Variants in PCDHGA12 observed in about 807,000 individuals in gnomAD.
PCDHGA12 encodes the protein protocadherin gamma subfamily A, 12, also known as protocadherin gamma-A12.
PCDHGA12 carries 43 observed loss-of-function variants against 61.1 expected under a neutral mutation model. The ratio of observed to expected loss-of-function variants is 0.70; its 90% CI spans 0.55 to 0.91. The LOEUF (loss-of-function observed/expected upper bound fraction) is 0.91. Ranked by LOEUF, PCDHGA12 falls within the 40% of genes least tolerant of loss-of-function variation. The probability of loss-of-function intolerance (pLI) is 0.00; values close to 1 mark genes in which losing one functional copy is unlikely to be tolerated. For synonymous variants in PCDHGA12, 520 were observed against 542.9 expected, an observed-to-expected ratio of 0.96 and a Z score of 0.59; for missense variants, 1,236 against 1,227.7, an observed-to-expected ratio of 1.01 and a Z score of -0.10.
chr5:141,439,796 G>A (rs980000701), intron 1 of PCDHGA12: 1 of 152,318 alleles, frequency 6.6e-6, no homozygotes. Flanking sequence ...AATCCAAGAA[G>A]AGTTTGAAAA....
Position 141,491,793 on chromosome 5 carries a change from C to T in PCDHGA12, c.2425-3014C>T, listed in dbSNP as rs2099730341. 4.0e-6 allele frequency: 6 copies of T among 1,511,410 alleles called. No individual in the cohort carries two copies. Among genetic ancestry groups the T allele is most frequent in the East Asian group, 2.5e-5 (1 of 40,660 alleles). The allele number at this position is 1,511,410 out of a possible 1,614,324, so 93.6% of individuals were successfully genotyped here. A position where few individuals can be genotyped will look rare whatever the true frequency, so the allele number is the denominator to read the frequency against. On this transcript the variant is annotated intron_variant, in intron 1 of 3. Transcript: ENST00000252085. This position sits in a 1 kb window ranked among gnomAD's most constrained non-coding sequence, Gnocchi z 6.9. ...AGGGATTGAACTTGCATCCACTCCT[C>T]TCCGGCCGGCTTGGTCGCTGGCTGC...
At chr5:141,444,804 A>G (rs140326088) in intron 1 of PCDHGA12, among the ~76,000 whole-genome samples, 1 of 152,250 alleles carries the variant, frequency 6.6e-6, no homozygotes, top group Non-Finnish European at 1.5e-5. Flanking sequence ...TCTTTTACTA[A>G]TAGCACACTG....
chr5:141,477,551 C>A lies in PCDHGA12; in HGVS notation c.2425-17256C>A. The A allele has an allele frequency of 6.2e-7, 1 of 1,614,178 alleles. No homozygotes were observed. The highest frequency in any genetic ancestry group is 1.3e-5 in the African/African-American group (1 of 75,032). ...CCTCCCCGGGGCTCCAATACTAAAC[C>A]TAAGTGTCTGGGACCCCGACGCCCC... is the stretch of plus-strand genomic sequence containing the variant. On this transcript the variant is annotated intron_variant, in intron 1 of 3. Transcript: ENST00000252085. The surrounding 1 kb of genome is among the most constrained non-coding windows in gnomAD (Gnocchi z 4.9).
intron 1 of PCDHGA12, among the ~76,000 whole-genome samples, chr5:141,451,826 A>G (rs2098725686): frequency 6.6e-6 from 1 of 151,720 alleles, no homozygotes; most frequent in Non-Finnish European, 1.5e-5. Context: ...GGTTACAGTG[A>G]GCCGAGATCA....
At chr5:141,506,930 T>C (rs2099857287) in intron 3 of PCDHGA12, among the ~76,000 whole-genome samples, 1 of 152,150 alleles carries the variant, frequency 6.6e-6, no homozygotes, top group African/African-American at 2.4e-5. Context: ...AAACAAACTT[T>C]AGGGGCCTCC....
intron 1 of PCDHGA12, chr5:141,468,346 AAAAG>A (rs2099164910): frequency 6.8e-6 from 1 of 147,210 alleles, no homozygotes; most frequent in South Asian, 2.2e-4. Flanking sequence ...AAAAAAAAAA[AAAAG>A]AAAGAAAAAA....
At position 141,433,356 on chromosome 5, in the gene PCDHGA12, T is replaced by A. The variant is rs549297958; in HGVS notation, c.2424+173T>A. On this transcript the variant is annotated intron_variant, in intron 1 of 3. Transcript: ENST00000252085. ...CTACAGGTGCAAGCCACCTACTGTC[T>A]GCCTATCTATCTATCTATCTATCTA... The A allele has an allele frequency of 8.4e-5, 51 of 607,892 alleles. No homozygotes were observed. The African/African-American group carries it at 9.5e-4, about 11-fold the overall frequency. 37.7% of individuals were successfully genotyped at this position (607,892 alleles called of 1,614,324 possible).
Position 141,491,834 on chromosome 5 carries a change from CG to C in PCDHGA12, c.2425-2970del. On this transcript the variant is annotated intron_variant, in intron 1 of 3. Transcript: ENST00000252085. This position sits in a 1 kb window ranked among gnomAD's most constrained non-coding sequence, Gnocchi z 6.9. ...CGCTGGCTGCGCTCCACCCGATTCT[CG>C]GGATCATTGGACCGTTTGCGCGAAA... 1 of 1,473,830 alleles carries C rather than the reference CG, an allele frequency of 6.8e-7. No homozygotes were observed. Among genetic ancestry groups the C allele is most frequent in the Middle Eastern group, 1.8e-4 (1 of 5,590 alleles). The allele number at this position is 1,473,830 out of a possible 1,614,324, so 91.3% of individuals were successfully genotyped here.
chr5:141,446,482 CT>C (rs112180482), intron 1 of PCDHGA12, among the ~76,000 whole-genome samples: 30,290 of 146,632 alleles, frequency 0.21, 3,322 homozygotes, highest in African/African-American at 0.31. Flanking sequence ...GGTCATCATT[CT>C]TTTTTTTTTT....
chr5:141,500,989 C>T (rs779352768), intron 2 of PCDHGA12, among the ~76,000 whole-genome samples: 1 of 152,040 alleles, frequency 6.6e-6, no homozygotes, highest in Non-Finnish European at 1.5e-5. Context: ...CTGCCTCAGC[C>T]TCCTGAGTAG....
chr5:141,432,686 G>A lies in PCDHGA12; in HGVS notation c.1927G>A (p.Val643Ile). Residue 643 changes from valine (V) to isoleucine (I), a missense_variant, in exon 1 of 4, where the codon GTA (valine) becomes ATA (isoleucine). Physicochemically the swap from Val to Ile is conservative, Grantham distance 29. Transcript: ENST00000252085. The surrounding 1 kb of genome is among the most constrained non-coding windows in gnomAD (Gnocchi z 6.0). ...LDRDALKQSLVVAVQDHGQPP... is the reference protein window; with the variant it reads ...LDRDALKQSLIVAVQDHGQPP... The stretch of plus-strand genomic sequence containing the variant: ...CAGAGACGCGCTCAAGCAGAGCCTC[G>A]TAGTGGCCGTCCAGGACCACGGCCA... 2 of 1,613,922 alleles carry A rather than the reference G, an allele frequency of 1.2e-6. No homozygotes were observed. The highest frequency in any genetic ancestry group is 1.7e-5 in the Admixed American group (1 of 60,020).
chr5:141,466,669 C>T lies in PCDHGA12; in HGVS notation c.2425-28138C>T, dbSNP rs529252130. The stretch of plus-strand genomic sequence containing the variant: ...TTTCACAAAACATCAGTGATTTCAC[C>T]GTTCTTCCACTCAAGCTTCATCATA... On this transcript the variant is annotated intron_variant, in intron 1 of 3. Transcript: ENST00000252085. Among the ~76,000 whole-genome samples the T allele has an allele frequency of 8.5e-5, 13 of 152,278 alleles. No homozygotes were observed. The East Asian group carries it at 9.6e-4, about 11-fold the overall frequency.
intron 1 of PCDHGA12, chr5:141,442,421 T>G (rs1288481455): frequency 1.3e-5 from 2 of 152,290 alleles, no homozygotes; most frequent in East Asian, 3.9e-4. Flanking sequence ...TGAACTTCTT[T>G]TTTGAATCCC....
In PCDHGA12 at chr5:141,490,803, C is replaced by A; in HGVS notation, c.2425-4004C>A. The A allele has an allele frequency of 6.2e-7, 1 of 1,613,956 alleles. No homozygotes were observed. Among genetic ancestry groups the A allele is most frequent in the South Asian group, 1.1e-5 (1 of 91,080 alleles). On this transcript the variant is annotated intron_variant, in intron 1 of 3. Transcript: ENST00000252085. The surrounding 1 kb of genome is among the most constrained non-coding windows in gnomAD (Gnocchi z 5.4). ...ATGGACGGATCTTTGCCCAGCGTAC[C>A]TTTGACTATGAATTGCTGCAGATGC...
At chr5:141,478,039 G>A (rs764777183) in intron 1 of PCDHGA12, 29 of 1,613,978 alleles carry the variant, frequency 1.8e-5, no homozygotes, top group Non-Finnish European at 2.5e-5. Flanking sequence ...ATTCACCCAG[G>A]CAGACTCTCA....
intron 1 of PCDHGA12, among the ~76,000 whole-genome samples, chr5:141,494,157 G>A (rs929922206): frequency 5.9e-5 from 9 of 152,312 alleles, no homozygotes; most frequent in African/African-American, 1.7e-4. Context: ...TGTCTGGCAC[G>A]GAGTTCTAGG....
At position 141,491,651 on chromosome 5, in the gene PCDHGA12, A is replaced by G. The variant is rs1379494110; in HGVS notation, c.2425-3156A>G. 1.9e-6 allele frequency: 3 copies of G among 1,613,796 alleles called. 1 individual carries two copies. ...CAGCAGCCCACAGCTCTGGCGCTGGAGCCTGACGCCATCCGGTCCCGCTCT... is the reference window on the plus strand; with the variant it reads ...CAGCAGCCCACAGCTCTGGCGCTGGGGCCTGACGCCATCCGGTCCCGCTCT... On this transcript the variant is annotated intron_variant, in intron 1 of 3. Coordinates refer to ENST00000252085, the MANE Select transcript of PCDHGA12 (RefSeq NM_003735.3). The surrounding 1 kb of genome is among the most constrained non-coding windows in gnomAD (Gnocchi z 6.9).
In PCDHGA12 at chr5:141,477,813, A is replaced by T; in HGVS notation, c.2425-16994A>T. ...ACTGATCGCAATGACAATGCCCCCC[A>T]GGTCCTATATCCTCGGCCAGGTGGG... On this transcript the variant is annotated intron_variant, in intron 1 of 3. Coordinates refer to ENST00000252085, the MANE Select transcript of PCDHGA12 (RefSeq NM_003735.3). The surrounding 1 kb of genome is among the most constrained non-coding windows in gnomAD (Gnocchi z 4.9). The T allele has an allele frequency of 6.2e-7, 1 of 1,614,122 alleles. No homozygotes were observed. The highest frequency in any genetic ancestry group is 1.1e-5 in the South Asian group (1 of 91,084).
At chr5:141,488,062 T>C (rs1488970442) in intron 1 of PCDHGA12, among the ~76,000 whole-genome samples, 1 of 152,152 alleles carries the variant, frequency 6.6e-6, no homozygotes, top group Non-Finnish European at 1.5e-5. Flanking sequence ...AAATAAAATC[T>C]TTGTCTCCCA....
Sources: allele counts gnomAD v4.1 joint callset (sites outside exome capture counted in the v4.1 genomes callset), GRCh38; gene constraint gnomAD v4.1.1; non-coding constraint Gnocchi (gnomAD v3.1); transcripts MANE v1.5; gene names NCBI Gene and HGNC (gene_info 2026-07-23, HGNC 2026-07-21).